NKAIN2: variants seen among roughly 807,000 people sequenced by gnomAD.
The protein encoded by NKAIN2 is sodium/potassium-transporting ATPase subunit beta-1-interacting protein 2.
Under a neutral mutation model 32.6 loss-of-function variants are expected in NKAIN2, and 14 were observed. The ratio of observed to expected loss-of-function variants is 0.43; its 90% CI spans 0.28 to 0.67. NKAIN2 has a LOEUF of 0.67. Ranked by LOEUF, NKAIN2 falls within the 30% of genes least tolerant of loss-of-function variation. The pLI is 0.17. For missense variants in NKAIN2, 198 were observed against 258.3 expected (o/e 0.77, Z 1.60); for synonymous variants, 80 against 87.2 (o/e 0.92, Z 0.46).
At chr6:124,036,680 C>G (rs912155783) in intron 1 of NKAIN2, among the ~76,000 whole-genome samples, 1 of 152,076 alleles carries the variant, frequency 6.6e-6, no homozygotes, top group African/African-American at 2.4e-5. Flanking sequence ...AAAAGAAATT[C>G]CTGACCTTGC....
intron 2 of NKAIN2, among the ~76,000 whole-genome samples, chr6:124,352,523 G>T (rs974683730): frequency 6.6e-6 from 1 of 152,156 alleles, no homozygotes; most frequent in Non-Finnish European, 1.5e-5. Flanking sequence ...TGGAAAGAAT[G>T]CTTGCCGACG....
chr6:123,927,243 A>G (rs1776043392), intron 1 of NKAIN2, among the ~76,000 whole-genome samples: 2 of 152,188 alleles, frequency 1.3e-5, no homozygotes, highest in African/African-American at 4.8e-5. Context: ...TTATGGAAGC[A>G]AAGTAGAATC....
At chr6:123,925,685 A>G (rs1447881324) in intron 1 of NKAIN2, among the ~76,000 whole-genome samples, 1 of 152,158 alleles carries the variant, frequency 6.6e-6, no homozygotes, top group Non-Finnish European at 1.5e-5. Flanking sequence ...TGACTACATT[A>G]TTGAGGGTGC....
chr6:123,853,500 T>C (rs1775435224), intron 1 of NKAIN2, among the ~76,000 whole-genome samples: 1 of 152,186 alleles, frequency 6.6e-6, no homozygotes, highest in Admixed American at 6.5e-5. Context: ...ATATTAGTTA[T>C]TGCATTATCA....
At chr6:124,474,195 GA>G (rs1296285527) in intron 3 of NKAIN2, among the ~76,000 whole-genome samples, 5 of 151,136 alleles carry the variant, frequency 3.3e-5, no homozygotes, top group Admixed American at 2.0e-4. Context: ...CTATTTAAAG[GA>G]AAAAAAAATA....
chr6:123,892,802 G>C (rs1447569335), intron 1 of NKAIN2, among the ~76,000 whole-genome samples: 3 of 151,680 alleles, frequency 2.0e-5, no homozygotes, highest in South Asian at 2.1e-4. Flanking sequence ...AGTCAGTCTG[G>C]TGAAGGGGCT....
intron 1 of NKAIN2, among the ~76,000 whole-genome samples, chr6:124,122,872 C>G (rs1327374939): frequency 2.0e-5 from 3 of 151,916 alleles, no homozygotes; most frequent in African/African-American, 7.3e-5. Context: ...ACAACAACAA[C>G]AACAACAAAA....
chr6:124,696,091 C>T (rs1001214417), intron 4 of NKAIN2, among the ~76,000 whole-genome samples: 1 of 152,116 alleles, frequency 6.6e-6, no homozygotes, highest in African/African-American at 2.4e-5. Flanking sequence ...CTCTGTGTAG[C>T]ATTTCATCCT....
chr6:124,667,329 T>G (rs1253430262), intron 4 of NKAIN2, among the ~76,000 whole-genome samples: 1 of 152,132 alleles, frequency 6.6e-6, no homozygotes, highest in Non-Finnish European at 1.5e-5. Context: ...ATTTAAAAGT[T>G]GAAATTGTTT....
intron 1 of NKAIN2, among the ~76,000 whole-genome samples, chr6:124,091,397 A>T (rs1466139258): frequency 6.6e-6 from 1 of 151,996 alleles, no homozygotes; most frequent in Non-Finnish European, 1.5e-5. Context: ...CAAAAATATG[A>T]ATGTTTCAGT....
intron 1 of NKAIN2, among the ~76,000 whole-genome samples, chr6:124,124,905 T>C (rs974384092): frequency 1.1e-4 from 16 of 152,176 alleles, no homozygotes; most frequent in Admixed American, 6.5e-5. Context: ...AGAGCTAATA[T>C]TGTAGAGTCC....
chr6:124,072,545 G>T (rs553559695), intron 1 of NKAIN2, among the ~76,000 whole-genome samples: 1 of 151,976 alleles, frequency 6.6e-6, no homozygotes, highest in Non-Finnish European at 1.5e-5. Flanking sequence ...TCAAGCCTCC[G>T]CATTAAGCCA....
chr6:124,666,248 A>G (rs1772790060), intron 4 of NKAIN2, among the ~76,000 whole-genome samples: 1 of 152,170 alleles, frequency 6.6e-6, no homozygotes, highest in Non-Finnish European at 1.5e-5. Context: ...GGGAAGAAGA[A>G]GCAAATACCA....
At chr6:124,321,797 A>G (rs1797204589) in intron 2 of NKAIN2, among the ~76,000 whole-genome samples, 1 of 152,180 alleles carries the variant, frequency 6.6e-6, no homozygotes, top group Non-Finnish European at 1.5e-5. Context: ...TAGAGGCAAT[A>G]AAAACATTGG....
intron 5 of NKAIN2, among the ~76,000 whole-genome samples, chr6:124,805,885 A>G (rs1339573670): frequency 1.3e-5 from 2 of 152,376 alleles, no homozygotes; most frequent in African/African-American, 4.8e-5. Context: ...AAGAAAGGGT[A>G]TCAGCGATGG....
rs374210012 is a variant in NKAIN2 at position 123,841,337 on chromosome 6, C to T, written c.54+37083C>T. ...TGAGGTCCAAAGTAAACTGGCCTAA[C>T]ATCTATAATCAGTGTTACAATCGTG... On this transcript the variant is annotated intron_variant, in intron 1 of 6. Transcript: ENST00000368417. Among the ~76,000 whole-genome samples the T allele has an allele frequency of 2.1e-3, 318 of 152,258 alleles. 5 individuals are homozygous for T. Among genetic ancestry groups the T allele is most frequent in the African/African-American group, 7.6e-3 (314 of 41,558 alleles).
chr6:124,612,013 G>GT (rs1011148584), intron 3 of NKAIN2, among the ~76,000 whole-genome samples: 3 of 148,448 alleles, frequency 2.0e-5, no homozygotes, highest in Admixed American at 6.8e-5. Context: ...GGTATTTCCA[G>GT]TTTTTTTTAA....
chr6:124,069,682 G>A (rs1183294411), intron 1 of NKAIN2, among the ~76,000 whole-genome samples: 1 of 152,166 alleles, frequency 6.6e-6, no homozygotes, highest in African/African-American at 2.4e-5. Context: ...TGGCTCAAGT[G>A]TAGATGAATG....
At position 124,092,562 on chromosome 6, in the gene NKAIN2, A is replaced by G. The variant is rs73563121; in HGVS notation, c.55-190443A>G. On this transcript the variant is annotated intron_variant, in intron 1 of 6. Transcript: ENST00000368417. The stretch of plus-strand genomic sequence containing the variant: ...ATTTTTGTATTTCACTCTAGACTCT[A>G]CCACTTCATAACTATTTTATTCAAA... 1.0e-2 allele frequency among the ~76,000 whole-genome samples: 1,515 copies of G among 152,100 alleles called. 19 individuals are homozygous for G. The highest frequency in any genetic ancestry group is 0.035 in the African/African-American group (1,446 of 41,522).
Sources: gnomAD v4.1 joint callset for allele counts (sites outside exome capture counted in the v4.1 genomes callset) on GRCh38, gnomAD v4.1.1 for gene constraint, MANE v1.5 for transcripts, NCBI Gene and HGNC (gene_info 2026-07-23, HGNC 2026-07-21) for gene names.